NUCB1: variants seen among roughly 807,000 people sequenced by gnomAD.
NUCB1 encodes the protein nucleobindin 1.
Under a neutral mutation model 61.2 loss-of-function variants are expected in NUCB1, and 47 were observed. The ratio of observed to expected loss-of-function variants is 0.77; its 90% confidence interval spans 0.61 to 0.98. The LOEUF (loss-of-function observed/expected upper bound fraction) is 0.98. Ranked by LOEUF, NUCB1 falls within the 50% of genes least tolerant of loss-of-function variation. The pLI is 0.00. For synonymous variants in NUCB1, 234 were observed against 243.1 expected (o/e 0.96, Z 0.35); for missense variants, 583 against 605.3 (o/e 0.96, Z 0.39).
rs753809571 is a variant in NUCB1 at position 48,900,812 on chromosome 19, C to T, written c.16C>T (p.Pro6Ser). MPPSG[P>S]RGTLLLLPLL... ...CCACACTGCCATGCCTCCCTCTGGG[C>T]CCCGAGGAACCCTCCTTCTGTTGCC... The change falls in exon 2 of 13, where the codon CCC becomes TCC. Residue 6 changes from proline to serine, a missense_variant. Coordinates refer to ENST00000405315, the MANE Select transcript of NUCB1 (RefSeq NM_006184.6). 1 of 1,613,910 alleles carries T rather than the reference C, an allele frequency of 6.2e-7. No homozygotes were observed. The highest frequency in any genetic ancestry group is 1.1e-5 in the South Asian group (1 of 91,074).
intron 4 of NUCB1, among the ~76,000 whole-genome samples, chr19:48,907,062 C>T (rs887941075): frequency 1.3e-5 from 2 of 151,728 alleles, no homozygotes; most frequent in African/African-American, 4.8e-5. Flanking sequence ...GCAAGCTCCG[C>T]CTCCTGGATT....
intron 2 of NUCB1, 86 bp downstream of exon 2, chr19:48,901,017 T>C: frequency 2.0e-6 from 3 of 1,469,590 alleles, no homozygotes; most frequent in East Asian, 4.6e-5. Flanking sequence ...GGGCGGATGC[T>C]CCAGTGACTT....
In NUCB1 at chr19:48,922,366, C is replaced by T; in HGVS notation, c.1328C>T (p.Thr443Ile). 6.2e-7 allele frequency: 1 copy of T among 1,613,896 alleles called. No homozygotes were observed. Among genetic ancestry groups the T allele is most frequent in the Non-Finnish European group, 8.5e-7 (1 of 1,179,844 alleles). The change falls in exon 13 of 13, where the codon ACT becomes ATT. Residue 443 changes from threonine to isoleucine, a missense_variant. Transcript: ENST00000405315. ...GCCGGTGACCAGAAGGAGGTGGACACTTCAGAAAAGAAACTTCTCGAGCGG... is the reference window on the plus strand; with the variant it reads ...GCCGGTGACCAGAAGGAGGTGGACATTTCAGAAAAGAAACTTCTCGAGCGG... The part of the protein sequence containing the change: ...APAGDQKEVD[T>I]SEKKLLERLP...
intron 1 of NUCB1, 31 bp from the exon 2 acceptor site, chr19:48,900,752 CATT>C (rs1182794427): frequency 5.0e-6 from 8 of 1,604,310 alleles, no homozygotes; most frequent in East Asian, 2.2e-5. Flanking sequence ...TTGGGACAGA[CATT>C]ATGCATTATC....
chr19:48,909,535 C>T (rs2037449680), intron 4 of NUCB1, among the ~76,000 whole-genome samples: 1 of 151,960 alleles, frequency 6.6e-6, no homozygotes, highest in African/African-American at 2.4e-5. Flanking sequence ...GTGTGAGCCA[C>T]CGCGCCCGGC....
chr19:48,922,139 A>AGGGGCTG (rs1239362808), intron 12 of NUCB1, among the ~76,000 whole-genome samples, 179 bp from the exon 13 acceptor site: 1 of 44,514 alleles, frequency 2.2e-5, no homozygotes, highest in Non-Finnish European at 4.2e-5. Context: ...GTGAGGGAGG[A>AGGGGCTG]GGGGCTGGGA....
chr19:48,902,440 T>G (rs1211841689), intron 2 of NUCB1, among the ~76,000 whole-genome samples: 1 of 131,016 alleles, frequency 7.6e-6, no homozygotes, highest in African/African-American at 3.4e-5. Flanking sequence ...TTTTTTTTTA[T>G]TTTTGCTGTG....
In NUCB1 at chr19:48,919,281, T is replaced by C; in HGVS notation, c.997T>C (p.Trp333Arg). The change falls in exon 10 of 13, where the codon TGG (tryptophan) becomes CGG (arginine). Residue 333 changes from tryptophan (W) to arginine (R), a missense_variant. Trp to Arg is a moderately radical substitution (Grantham distance 101). Transcript: ENST00000405315. ...GGAGTTTGGGGACACCGGGGAGGGCTGGGAGGTGAGAACATGGGGGATACT... is the reference window on the plus strand; with the variant it reads ...GGAGTTTGGGGACACCGGGGAGGGCCGGGAGGTGAGAACATGGGGGATACT... ...RKEFGDTGEG[W>R]ETVEMHPAYT... 3 of 1,612,986 alleles carry C rather than the reference T, an allele frequency of 1.9e-6. No homozygotes were observed. Among genetic ancestry groups the C allele is most frequent in the Non-Finnish European group, 2.5e-6 (3 of 1,179,104 alleles).
At position 48,921,246 on chromosome 19, in the gene NUCB1, C is replaced by T. The variant is rs1369816736; in HGVS notation, c.1095C>T (p.Ala365=). Residue 365 remains alanine (A), a synonymous_variant, in exon 11 of 13, where the codon GCC becomes GCT. Transcript: ENST00000405315. ...AAREAELNAK[A]QRLSQETEAL... ...GGGAGGCAGAGCTGAATGCCAAGGC[C>T]CAGCGCCTCAGCCAGGAGACAGAGG... 1 of 1,611,330 alleles carries T rather than the reference C, an allele frequency of 6.2e-7. No homozygotes were observed. The highest frequency in any genetic ancestry group is 2.2e-5 in the East Asian group (1 of 44,782).
chr19:48,902,438 T>G (rs10426479), intron 2 of NUCB1, among the ~76,000 whole-genome samples: 46,319 of 138,278 alleles, frequency 0.33, 8,336 homozygotes, highest in African/African-American at 0.58. Context: ...TTTTTTTTTT[T>G]ATTTTTGCTG....
chr19:48,919,350 CAGAATCTT>C (rs1276414960), intron 10 of NUCB1, 64 bp downstream of exon 10: 1 of 1,294,878 alleles, frequency 7.7e-7, no homozygotes, highest in Non-Finnish European at 1.1e-6. Flanking sequence ...ACCTTTCTTT[CAGAATCTT>C]AGGCCCCTTC....
intron 6 of NUCB1, 29 bp from the exon 7 acceptor site, chr19:48,913,445 T>C: frequency 6.3e-7 from 1 of 1,596,388 alleles, no homozygotes; most frequent in East Asian, 2.2e-5. Context: ...GACTTCTTGC[T>C]CATGAGCTCC....
intron 2 of NUCB1, among the ~76,000 whole-genome samples, chr19:48,903,837 A>G (rs1454370807): frequency 1.4e-3 from 59 of 41,446 alleles, no homozygotes; most frequent in Middle Eastern, 0.02. Context: ...CAGGTGGATG[A>G]GTGGATGGAT....
chr19:48,916,038 C>T (rs538227430), intron 7 of NUCB1, among the ~76,000 whole-genome samples: 3 of 152,230 alleles, frequency 2.0e-5, no homozygotes, highest in Non-Finnish European at 4.4e-5. Flanking sequence ...CTCGCACAAC[C>T]GAAACCGTAT....
rs1483603407 is a variant in NUCB1, at chr19:48,919,198, A to G, written c.914A>G (p.Asp305Gly). The G allele has an allele frequency of 1.2e-6, 2 of 1,614,018 alleles. No homozygotes were observed. The highest frequency in any genetic ancestry group is 1.7e-5 in the Admixed American group (1 of 60,000). ...CACCCTTATCTGGCTCCCCAGGTGG[A>G]CACCAACCAGGACCGCCTCGTGACC... ...RMREHVMKNV[D>G]TNQDRLVTLE... is the part of the protein sequence containing the mutation. The change falls in exon 10 of 13, where the codon GAC becomes GGC. Residue 305 changes from aspartate (D) to glycine (G), a missense_variant. Asp to Gly is a moderately conservative substitution (Grantham distance 94, BLOSUM62 -1). Transcript: ENST00000405315.
At chr19:48,912,463 A>G (rs1029583106) in intron 5 of NUCB1, among the ~76,000 whole-genome samples, 4 of 152,124 alleles carry the variant, frequency 2.6e-5, no homozygotes, top group African/African-American at 9.7e-5. Context: ...TGAAGTTGCT[A>G]TTGTATAACC....
At chr19:48,916,171 CGT>C (rs143557740) in intron 7 of NUCB1, among the ~76,000 whole-genome samples, 3,039 of 147,408 alleles carry the variant, frequency 0.021, 87 homozygotes, top group African/African-American at 0.069. Flanking sequence ...TGGTATTTGT[CGT>C]GTGTGTGTGT....
rs1393520387 is a variant in NUCB1 at position 48,911,153 on chromosome 19, A to T, written c.381A>T (p.Val127=). The change falls in exon 5 of 13, where the codon GTA becomes GTT. Residue 127 remains valine, a synonymous_variant. Transcript: ENST00000405315. ...AKMDAEQDPN[V]QVDHLNLLKQ... ...GGACTCTTCCCTCTCTTCCAGATGT[A>T]CAGGTGGATCATCTGAATCTCCTGA... 6.2e-7 allele frequency: 1 copy of T among 1,609,652 alleles called. No homozygotes were observed. The highest frequency in any genetic ancestry group is 1.7e-5 in the Admixed American group (1 of 59,908).
Position 48,903,828 on chromosome 19 carries a change from A to G in NUCB1, c.136-519A>G, listed in dbSNP as rs184020834. Reference sequence around the variant, plus strand: ...TGGATAGGTGGGTGGATGGATGGGCAGGTGGATGAGTGGATGGATGGATGG... The same window carrying G: ...TGGATAGGTGGGTGGATGGATGGGCGGGTGGATGAGTGGATGGATGGATGG... On this transcript the variant is annotated intron_variant, in intron 2 of 12. Transcript: ENST00000405315. 1.1e-3 allele frequency among the ~76,000 whole-genome samples: 55 copies of G among 51,544 alleles called. 1 individual carries two copies. In the East Asian group the frequency reaches 0.016, roughly 15 times the overall value. 33.8% of individuals were successfully genotyped at this position (51,544 alleles called of 152,430 possible).
Sources: gnomAD v4.1 joint callset for allele counts (sites outside exome capture counted in the v4.1 genomes callset) on GRCh38, gnomAD v4.1.1 for gene constraint, MANE v1.5 for transcripts, NCBI Gene and HGNC (gene_info 2026-07-23, HGNC 2026-07-21) for gene names.